The following SCEL variants were observed in gnomAD, a reference collection of about 807,000 sequenced individuals.
SCEL encodes sciellin.
Under a neutral mutation model 117.6 loss-of-function variants are expected in SCEL, and 113 were observed. That is an observed-to-expected ratio of 0.96 (90% confidence interval 0.83 to 1.12). The LOEUF (loss-of-function observed/expected upper bound fraction) is 1.12. Ranked by LOEUF, SCEL falls within the 50% of genes most tolerant of loss-of-function variation. The pLI is 0.00. For missense variants in SCEL, 785 were observed against 810.8 expected (o/e 0.97, Z 0.39); for synonymous variants, 270 against 256.2 (o/e 1.05, Z -0.51).
At chr13:77,555,666 C>T (rs559738704) in intron 1 of SCEL, among the ~76,000 whole-genome samples, 191 bp from the exon 2 acceptor site, 2 of 152,186 alleles carry the variant, frequency 1.3e-5, no homozygotes, top group South Asian at 4.2e-4. Context: ...TCATTTTCTC[C>T]ATCTGTAAAA....
At chr13:77,560,562 T>A (rs1249878445) in intron 4 of SCEL, among the ~76,000 whole-genome samples, 1 of 152,194 alleles carries the variant, frequency 6.6e-6, no homozygotes, top group Non-Finnish European at 1.5e-5. Context: ...GTACCTTTCT[T>A]TTTGGAAACT....
intron 1 of SCEL, among the ~76,000 whole-genome samples, chr13:77,550,137 G>A (rs1045566774): frequency 1.3e-5 from 2 of 151,640 alleles, no homozygotes; most frequent in East Asian, 1.9e-4. Flanking sequence ...TGTAATCCCA[G>A]TACTTCGGGA....
chr13:77,576,330 C>A (rs547054019), intron 9 of SCEL, among the ~76,000 whole-genome samples: 87 of 152,136 alleles, frequency 5.7e-4, no homozygotes, highest in Non-Finnish European at 1.1e-3. Context: ...ACACACTCTG[C>A]TGGATTTTCT....
intron 27 of SCEL, among the ~76,000 whole-genome samples, chr13:77,624,253 C>T (rs1040249462): frequency 6.6e-6 from 1 of 151,814 alleles, no homozygotes; most frequent in Admixed American, 6.6e-5. Flanking sequence ...TTACAGGCAC[C>T]TGCCACCACG....
intron 1 of SCEL, among the ~76,000 whole-genome samples, chr13:77,554,208 T>G (rs1190263186): frequency 6.6e-6 from 1 of 152,226 alleles, no homozygotes; most frequent in Non-Finnish European, 1.5e-5. Flanking sequence ...TGCGAGTCAC[T>G]GGATAGAAGT....
chr13:77,580,798 T>G (rs2086223624), intron 9 of SCEL, among the ~76,000 whole-genome samples: 1 of 152,246 alleles, frequency 6.6e-6, no homozygotes, highest in African/African-American at 2.4e-5. Context: ...AAAATTAAAG[T>G]AGTAGAAACG....
At chr13:77,543,139 A>G (rs1311844285) in intron 1 of SCEL, among the ~76,000 whole-genome samples, 3 of 137,104 alleles carry the variant, frequency 2.2e-5, no homozygotes, top group African/African-American at 8.4e-5. Flanking sequence ...GCTGGAGTGC[A>G]GTGGCGGGAT....
At chr13:77,602,166 G>C (rs769037453) in intron 16 of SCEL, 42 bp downstream of exon 16, 3 of 1,551,136 alleles carry the variant, frequency 1.9e-6, no homozygotes, top group Non-Finnish European at 2.6e-6. Flanking sequence ...TTTTATTCAG[G>C]TTAGCTTTTT....
intron 15 of SCEL, 138 bp from the exon 16 acceptor site, chr13:77,601,927 A>T (rs1004502123): frequency 1.8e-6 from 1 of 541,230 alleles, no homozygotes; most frequent in African/African-American, 2.0e-5. Context: ...AGGACTTCTG[A>T]TCCTTTAGGC....
chr13:77,589,677 C>T (rs2086762683), intron 10 of SCEL, among the ~76,000 whole-genome samples: 1 of 152,096 alleles, frequency 6.6e-6, no homozygotes, highest in African/African-American at 2.4e-5. Flanking sequence ...TTTGTGTTAC[C>T]ACTCAAATCC....
intron 26 of SCEL, 70 bp from the exon 27 acceptor site, chr13:77,617,934 C>T: frequency 6.3e-7 from 1 of 1,577,398 alleles, no homozygotes; most frequent in Non-Finnish European, 8.7e-7. Context: ...TATAATGTTG[C>T]TTTATTGACC....
intron 24 of SCEL, among the ~76,000 whole-genome samples, chr13:77,616,546 CA>C (rs2089057919): frequency 6.6e-6 from 1 of 151,778 alleles, no homozygotes; most frequent in South Asian, 2.1e-4. Context: ...GAAGAAAGCT[CA>C]AAACAGTGAA....
At chr13:77,623,330 T>C (rs965756138) in intron 27 of SCEL, 1 of 152,212 alleles carries the variant, frequency 6.6e-6, no homozygotes, top group Non-Finnish European at 1.5e-5. Flanking sequence ...AACTTTCTAT[T>C]TTGCATTAAA....
chr13:77,617,259 A>G (rs1453308280), intron 24 of SCEL, among the ~76,000 whole-genome samples: 1 of 152,070 alleles, frequency 6.6e-6, no homozygotes, highest in Non-Finnish European at 1.5e-5. Context: ...TAGTTGGTGA[A>G]CCTGATTTTA....
At chr13:77,629,349 T>C (rs997352781) in intron 28 of SCEL, among the ~76,000 whole-genome samples, 9 of 150,996 alleles carry the variant, frequency 6.0e-5, no homozygotes, top group Non-Finnish European at 1.3e-4. Context: ...TTGGCTTCCT[T>C]ATTCTCTGCT....
rs772130788 is a variant in SCEL, at chr13:77,599,323, T to C, written c.798-6T>C. On this transcript the variant is annotated splice_polypyrimidine_tract_variant and splice_region_variant and intron_variant, in intron 13 of 32. Coordinates refer to ENST00000349847, the MANE Select transcript of SCEL (RefSeq NM_144777.3). ...ATGAGGCTTTTTTAAATCAATACAT[T>C]TAAAGGAATCAAGGTCTTGATAGTC... The C allele has an allele frequency of 6.2e-7, 1 of 1,607,202 alleles. No individual in the cohort carries two copies. The highest frequency in any genetic ancestry group is 8.5e-7 in the Non-Finnish European group (1 of 1,175,470).
At chr13:77,591,612 C>T (rs1326281884) in intron 11 of SCEL, 152 bp downstream of exon 11, 24 of 595,918 alleles carry the variant, frequency 4.0e-5, no homozygotes, top group African/African-American at 7.6e-5. Context: ...TTTGTAGGCA[C>T]TTTCAGAATT....
In SCEL at chr13:77,602,728, G is replaced by C; in HGVS notation, c.1037+15G>C. Reference sequence around the variant, plus strand: ...ACGAGCAGAAGGTGAGAACTGAACAGATGTCTCTAAATATTGGTTATTTTC... The same window carrying C: ...ACGAGCAGAAGGTGAGAACTGAACACATGTCTCTAAATATTGGTTATTTTC... On this transcript the variant is annotated intron_variant, in intron 17 of 32. Coordinates refer to ENST00000349847, the MANE Select transcript of SCEL (RefSeq NM_144777.3). The C allele has an allele frequency of 6.2e-7, 1 of 1,605,990 alleles. No individual in the cohort carries two copies. Among genetic ancestry groups the C allele is most frequent in the East Asian group, 2.2e-5 (1 of 44,766 alleles).
At chr13:77,611,899 T>C (rs954388449) in intron 22 of SCEL, among the ~76,000 whole-genome samples, 2 of 152,150 alleles carry the variant, frequency 1.3e-5, no homozygotes, top group Non-Finnish European at 2.9e-5. Context: ...CTCTTAAAAT[T>C]TTTTCTTCAT....
Sources: gnomAD v4.1 joint callset for allele counts (sites outside exome capture counted in the v4.1 genomes callset) on GRCh38, gnomAD v4.1.1 for gene constraint, MANE v1.5 for transcripts, NCBI Gene and HGNC (gene_info 2026-07-23, HGNC 2026-07-21) for gene names.